Variants in SIPA1L3 observed in about 807,000 individuals in gnomAD.
SIPA1L3 encodes signal-induced proliferation-associated 1-like protein 3.
In SIPA1L3, 59 loss-of-function variants were observed where a neutral mutation model predicts 150.1. The observed-to-expected ratio is 0.39, with a 90% CI of 0.32 to 0.49. The LOEUF is 0.49. SIPA1L3 is among the 20% of genes least tolerant of loss of function. The pLI, the probability that SIPA1L3 is intolerant of heterozygous loss-of-function variation, is 0.86. For missense variants in SIPA1L3, 2,211 were observed against 2,489.5 expected (o/e 0.89, Z 2.38); for synonymous variants, 1,070 against 1,077.6 (o/e 0.99, Z 0.14).
In SIPA1L3 at chr19:38,065,889, C is replaced by T. The variant is rs547201971; in HGVS notation, c.-310-15367C>T. ...TTGAGGCAACGTCTTGCTCTGTTGC[C>T]CGGGTTTGATCTCTTATTTATTTAT... On this transcript the variant is annotated intron_variant, in intron 2 of 21. Coordinates refer to ENST00000222345, the MANE Select transcript of SIPA1L3 (RefSeq NM_015073.3). Among the ~76,000 whole-genome samples the T allele has an allele frequency of 1.1e-3, 125 of 117,886 alleles. 2 individuals carry two copies. Among genetic ancestry groups the T allele is most frequent in the South Asian group, 2.2e-3 (9 of 4,002 alleles). The allele number at this position is 117,886 out of a possible 152,430, so 77.3% of individuals were successfully genotyped here. A position where few individuals can be genotyped will look rare whatever the true frequency, so the allele number is the denominator to read the frequency against.
intron 1 of SIPA1L3, among the ~76,000 whole-genome samples, chr19:37,942,354 G>A (rs1006791142): frequency 3.3e-5 from 5 of 151,810 alleles, no homozygotes; most frequent in East Asian, 1.9e-4. Context: ...AACTGGGGTC[G>A]TTGGGGGAGA....
Position 38,162,300 on chromosome 19 carries a change from G to A in SIPA1L3, c.3709G>A (p.Gly1237Arg), listed in dbSNP as rs760825514. 123 of 1,614,126 alleles carry A rather than the reference G, an allele frequency of 7.6e-5. 2 individuals carry two copies. The highest frequency in any genetic ancestry group is 4.4e-4 in the South Asian group (40 of 91,094). Residue 1237 changes from glycine (G) to arginine (R), a missense_variant, in exon 14 of 22, where the codon GGA becomes AGA. Gly to Arg is a moderately radical substitution (Grantham distance 125, BLOSUM62 -2). This residue lies in a region of SIPA1L3 where 806 missense variants were observed against 870.1 expected (regional missense o/e 0.93). Coordinates refer to ENST00000222345, the MANE Select transcript of SIPA1L3 (RefSeq NM_015073.3). ...PAQARLSAIA[G>R]SSGNKHPSRQ... ...CCAGGCCAGGCTCTCAGCCATAGCC[G>A]GAAGCAGCGGGAACAAGCACCCGTC...
intron 1 of SIPA1L3, among the ~76,000 whole-genome samples, chr19:38,016,886 C>CTTTTTTTTTTTTTTTTTTTTTTTTT (rs58459050): frequency 1.4e-5 from 1 of 69,106 alleles, no homozygotes; most frequent in African/African-American, 6.7e-5. Context: ...CCTCCTCTGG[C>CTTTTTTTTTTTTTTTTTTTTTTTTT]TTTTTTTTTT....
chr19:38,017,802 T>C (rs1049925056), intron 1 of SIPA1L3, among the ~76,000 whole-genome samples: 3 of 152,104 alleles, frequency 2.0e-5, no homozygotes, highest in South Asian at 2.1e-4. Context: ...AATGCTGGGA[T>C]TACAGGCATA....
chr19:38,071,201 TTATCTATCTATCTATCTATCTATCTATC>T (rs60942211), intron 2 of SIPA1L3, among the ~76,000 whole-genome samples: 8 of 142,158 alleles, frequency 5.6e-5, no homozygotes, highest in Admixed American at 1.4e-4. Flanking sequence ...TTATGTTGTT[TTATCTATCTATCTATCTATCTATCTATC>T]TATCTATCTA....
intron 1 of SIPA1L3, among the ~76,000 whole-genome samples, chr19:37,956,470 G>T (rs1725494): frequency 0.29 from 42,103 of 143,554 alleles, 8,050 homozygotes; most frequent in East Asian, 0.68. Context: ...TCATGCCTTT[G>T]GAAGTATAAA....
Position 38,082,993 on chromosome 19 carries a change from G to A in SIPA1L3, c.1428G>A (p.Leu476=). ...GCACCAACGCCAGCATCTCGGTGTT[G>A]GAAGTTCCCAAGGAGCAGCAGCGGA... is the stretch of plus-strand genomic sequence containing the variant. The part of the protein sequence containing the change: ...AYRTNASISV[L]EVPKEQQRTQ... Residue 476 remains leucine, a synonymous_variant, in exon 3 of 22, where the codon TTG becomes TTA. Transcript: ENST00000222345. The A allele has an allele frequency of 6.2e-7, 1 of 1,613,214 alleles. No individual in the cohort carries two copies. The highest frequency in any genetic ancestry group is 1.1e-5 in the South Asian group (1 of 91,072).
chr19:38,159,340 C>T (rs1357695211), intron 13 of SIPA1L3, among the ~76,000 whole-genome samples: 2 of 152,190 alleles, frequency 1.3e-5, no homozygotes, highest in Admixed American at 6.5e-5. Context: ...ATTGCAAGCT[C>T]GGGGTCCCAC....
chr19:38,187,007 CAAAAAAAAAA>C (rs1046528016), intron 16 of SIPA1L3, among the ~76,000 whole-genome samples: 2 of 80,292 alleles, frequency 2.5e-5, no homozygotes, highest in Middle Eastern at 8.3e-3. Context: ...AACTCTGTCT[CAAAAAAAAAA>C]AAAAAAAAAA....
rs735615 is a variant in SIPA1L3 at position 38,089,011 on chromosome 19, A to G, written c.1665+160A>G. On this transcript the variant is annotated intron_variant, in intron 4 of 21. Transcript: ENST00000222345. ...GTCTCTCCATCTCACAGAGGAAGAA[A>G]CTAAGACGCAGAATTTAAATGACTT... 0.16 allele frequency among the ~76,000 whole-genome samples: 24,425 copies of G among 152,074 alleles called. 2,091 individuals carry two copies. The highest frequency in any genetic ancestry group is 0.22 in the African/African-American group (8,952 of 41,464).
chr19:38,010,240 A>G (rs1306814908), intron 1 of SIPA1L3, among the ~76,000 whole-genome samples: 2 of 151,940 alleles, frequency 1.3e-5, no homozygotes, highest in Non-Finnish European at 2.9e-5. Flanking sequence ...GTCTCTACTG[A>G]ACATAAAAAT....
intron 9 of SIPA1L3, among the ~76,000 whole-genome samples, chr19:38,123,443 T>C (rs1367172070): frequency 1.3e-5 from 2 of 148,362 alleles, no homozygotes; most frequent in Non-Finnish European, 3.0e-5. Flanking sequence ...CCTGGGTACT[T>C]GAGATTAGGG....
rs537556078 is a variant in SIPA1L3, at chr19:38,187,216, C to A, written c.4430+4476C>A. Among the ~76,000 whole-genome samples the A allele has an allele frequency of 7.2e-5, 11 of 152,032 alleles. No individual in the cohort carries two copies. In the East Asian group the frequency reaches 1.9e-3, roughly 27 times the overall value. ...CCTATAATCCCAGCACTTTGGGAGT[C>A]CAGGATGGGTGGATCACCTGAGGTC... On this transcript the variant is annotated intron_variant, in intron 16 of 21. Coordinates refer to ENST00000222345, the MANE Select transcript of SIPA1L3 (RefSeq NM_015073.3).
At position 37,935,822 on chromosome 19, in the gene SIPA1L3, A is replaced by G. The variant is rs531814188; in HGVS notation, c.-379+28464A>G. ...CACATCACTTCTACTTCATTCTGTT[A>G]GTTAATGTGAGTTGAAGAGTCAGCC... On this transcript the variant is annotated intron_variant, in intron 1 of 21. Coordinates refer to ENST00000222345, the MANE Select transcript of SIPA1L3 (RefSeq NM_015073.3). Among the ~76,000 whole-genome samples, 207 of 152,316 alleles carry G rather than the reference A, an allele frequency of 1.4e-3. 1 individual carries two copies. Among genetic ancestry groups the G allele is most frequent in the African/African-American group, 4.9e-3 (203 of 41,562 alleles).
Position 38,082,317 on chromosome 19 carries a change from TGGG to T in SIPA1L3, c.756_758del (p.Gly256del). 3 of 1,598,962 alleles carry T rather than the reference TGGG, an allele frequency of 1.9e-6. No individual in the cohort carries two copies. The highest frequency in any genetic ancestry group is 2.2e-5 in the East Asian group (1 of 44,834). On this transcript the variant is annotated inframe_deletion, in exon 3 of 22. Transcript: ENST00000222345. ...CGGGCAGATCCTGGCCCACACCTCATGGGGGGCGGCGGCGGAGCCAAGGGGGAC... is the reference window on the plus strand; with the variant it reads ...CGGGCAGATCCTGGCCCACACCTCATGGGCGGCGGCGGAGCCAAGGGGGAC...
intron 10 of SIPA1L3, among the ~76,000 whole-genome samples, chr19:38,137,807 G>A (rs1408027826): frequency 6.6e-6 from 1 of 151,972 alleles, no homozygotes; most frequent in Admixed American, 6.6e-5. Flanking sequence ...CGTACCCAGG[G>A]ACTCTTAGCC....
chr19:38,071,671 C>T (rs1180866692), intron 2 of SIPA1L3, among the ~76,000 whole-genome samples: 1 of 152,204 alleles, frequency 6.6e-6, no homozygotes, highest in African/African-American at 2.4e-5. Flanking sequence ...AACCCTGTCT[C>T]CTTCCTTTGT....
At chr19:38,167,231 C>CA (rs370193698) in intron 15 of SIPA1L3, among the ~76,000 whole-genome samples, 11,703 of 87,376 alleles carry the variant, frequency 0.13, 1,787 homozygotes, top group African/African-American at 0.4. Context: ...GATTCCATCT[C>CA]AAAAAAAAAA....
chr19:38,073,081 T>TG (rs1308863689), intron 2 of SIPA1L3, among the ~76,000 whole-genome samples: 28 of 152,338 alleles, frequency 1.8e-4, no homozygotes, highest in African/African-American at 6.7e-4. Flanking sequence ...TGTATCCACA[T>TG]TCTAGCCAGT....
Sources: allele counts gnomAD v4.1 joint callset (sites outside exome capture counted in the v4.1 genomes callset), GRCh38; gene constraint gnomAD v4.1.1; regional missense constraint gnomAD v4.1.1; transcripts MANE v1.5; gene names NCBI Gene and HGNC (gene_info 2026-07-23, HGNC 2026-07-21).